MYPN: variants seen among roughly 807,000 people sequenced by gnomAD.
The protein encoded by MYPN is sarcomeric protein myopalladin, 145 kDa (MYOP).
Under a neutral mutation model 129.4 loss-of-function variants are expected in MYPN, and 63 were observed. The observed-to-expected ratio is 0.49, with a 90% confidence interval of 0.40 to 0.60. The LOEUF (loss-of-function observed/expected upper bound fraction) is 0.60. MYPN is among the 20% of genes least tolerant of loss of function. The probability of loss-of-function intolerance (pLI) is 0.00; values close to 1 mark genes in which losing one functional copy is unlikely to be tolerated. For missense variants in MYPN, 1,596 were observed against 1,635.4 expected, an observed-to-expected ratio of 0.98 and a Z score of 0.42; for synonymous variants, 629 against 600.9, an observed-to-expected ratio of 1.05 and a Z score of -0.68.
At chr10:68,136,778 G>A in intron 2 of MYPN, 1 of 1,499,932 alleles carries the variant, frequency 6.7e-7, no homozygotes, top group Non-Finnish European at 9.0e-7. Context: ...ATCCTATAAT[G>A]TTTGTATAAT....
At chr10:68,200,945 G>A (rs1313442863) in intron 17 of MYPN, among the ~76,000 whole-genome samples, 3 of 151,986 alleles carry the variant, frequency 2.0e-5, no homozygotes, top group Admixed American at 1.3e-4. Flanking sequence ...CCACTATTTT[G>A]CTAAAAAATA....
chr10:68,140,041 G>A (rs1484910644), intron 2 of MYPN, among the ~76,000 whole-genome samples: 1 of 152,214 alleles, frequency 6.6e-6, no homozygotes, highest in Non-Finnish European at 1.5e-5. Context: ...TGGGAAGAGG[G>A]TCAGGGAGGG....
At chr10:68,187,443 C>G (rs953655081) in intron 12 of MYPN, among the ~76,000 whole-genome samples, 1 of 152,022 alleles carries the variant, frequency 6.6e-6, no homozygotes, top group African/African-American at 2.4e-5. Flanking sequence ...AAAAGTGCAG[C>G]CTGGAAATTT....
intron 13 of MYPN, among the ~76,000 whole-genome samples, chr10:68,193,822 CACACACACACA>C (rs1351729512): frequency 2.9e-5 from 1 of 34,830 alleles, no homozygotes; most frequent in African/African-American, 5.5e-5. Flanking sequence ...CACACACACA[CACACACACACA>C]CACACATAGA....
At chr10:68,118,893 G>GGAAGGAAGGAAGGAAA (rs1248200832) in intron 1 of MYPN, among the ~76,000 whole-genome samples, 1 of 141,020 alleles carries the variant, frequency 7.1e-6, no homozygotes, top group African/African-American at 2.6e-5. Context: ...AAGGAAGGAA[G>GGAAGGAAGGAAGGAAA]GAAGGAAGGA....
intron 6 of MYPN, among the ~76,000 whole-genome samples, chr10:68,152,814 T>C (rs2042796939): frequency 6.6e-6 from 1 of 151,954 alleles, no homozygotes; most frequent in Non-Finnish European, 1.5e-5. Context: ...TCTTTTGTAT[T>C]TTTAGTAGAC....
intron 10 of MYPN, among the ~76,000 whole-genome samples, chr10:68,172,015 T>C (rs1240022799): frequency 3.9e-5 from 6 of 152,246 alleles, no homozygotes; most frequent in Non-Finnish European, 8.8e-5. Flanking sequence ...ATTTCTTTTA[T>C]ATTCCTTATA....
At position 68,211,811 on chromosome 10, in the gene MYPN, A is replaced by T. The variant is rs1278236065; in HGVS notation, c.*1356A>T. On this transcript the variant is annotated 3_prime_UTR_variant, in exon 20 of 20. Transcript: ENST00000358913. ...GCCCTGGGAATGCTCATCACAGCAC[A>T]GTTTGCTCTAGGCTGTGCAGGGAAA... 2.2e-6 allele frequency: 1 copy of T among 454,000 alleles called. No homozygotes were observed. The highest frequency in any genetic ancestry group is 4.4e-6 in the Non-Finnish European group (1 of 226,808). 28.1% of individuals were successfully genotyped at this position (454,000 alleles called of 1,614,324 possible).
chr10:68,108,895 A>T (rs1464161935), upstream of MYPN, among the ~76,000 whole-genome samples: 1 of 151,994 alleles, frequency 6.6e-6, no homozygotes, highest in Non-Finnish European at 1.5e-5. Context: ...TAATTTTTGT[A>T]TATTTAGTGG....
chr10:68,182,239 CATATATATAACACACAT>C (rs1476928518), intron 12 of MYPN, among the ~76,000 whole-genome samples: 1 of 74,504 alleles, frequency 1.3e-5, no homozygotes, highest in African/African-American at 4.9e-5. Flanking sequence ...ATATATATAA[CATATATATAACACACAT>C]ATATATATAA....
At chr10:68,134,806 T>A (rs142565788) in intron 2 of MYPN, among the ~76,000 whole-genome samples, 1,938 of 151,962 alleles carry the variant, frequency 0.013, 24 homozygotes, top group East Asian at 0.03. Context: ...AAAAATAAAT[T>A]AATTAATTAA....
At chr10:68,148,012 G>A (rs1589556033) in intron 4 of MYPN, among the ~76,000 whole-genome samples, 3 of 152,120 alleles carry the variant, frequency 2.0e-5, no homozygotes, top group East Asian at 1.9e-4. Flanking sequence ...GGAAAATACC[G>A]AGGGTAACAA....
intron 1 of MYPN, among the ~76,000 whole-genome samples, chr10:68,120,833 T>C (rs1008271415): frequency 3.9e-5 from 6 of 152,226 alleles, no homozygotes; most frequent in Admixed American, 2.6e-4. Flanking sequence ...TATTTAATAT[T>C]ATTACAGTTA....
At chr10:68,101,234 A>T (rs1400485316), upstream of MYPN, among the ~76,000 whole-genome samples, 1 of 152,252 alleles carries the variant, frequency 6.6e-6, no homozygotes, top group African/African-American at 2.4e-5. Flanking sequence ...ACACTGCAAC[A>T]AGCAACAAGT....
chr10:68,157,527 G>A (rs1431247382), intron 6 of MYPN, among the ~76,000 whole-genome samples: 4 of 151,728 alleles, frequency 2.6e-5, no homozygotes, highest in African/African-American at 7.3e-5. Context: ...AACACCACTT[G>A]GGCACTTAAG....
chr10:68,194,230 C>A, intron 13 of MYPN, 133 bp from the exon 14 acceptor site: 1 of 885,216 alleles, frequency 1.1e-6, no homozygotes, highest in South Asian at 1.5e-5. Context: ...TGTTTTATAA[C>A]TTTTTTTCAA....
chr10:68,145,621 TGGC>T lies in MYPN; in HGVS notation c.1130+96_1130+98del, dbSNP rs1589553376. ...ATTGGTTACTAGAACTTAAGAAGGG[TGGC>T]TCCAGGGTTTGACCACAAAAATAAA... On this transcript the variant is annotated intron_variant, in intron 4 of 19. Transcript: ENST00000358913. 7.5e-6 allele frequency: 8 copies of T among 1,061,388 alleles called. No homozygotes were observed. In the East Asian group the frequency reaches 1.9e-4, roughly 26 times the overall value. The allele number at this position is 1,061,388 out of a possible 1,614,324, so 65.7% of individuals were successfully genotyped here.
At chr10:68,200,616 G>A (rs933348894) in intron 17 of MYPN, among the ~76,000 whole-genome samples, 28 of 152,208 alleles carry the variant, frequency 1.8e-4, no homozygotes, top group Middle Eastern at 3.4e-3. Flanking sequence ...AAATTAGCCA[G>A]GTGTGGTGGC....
chr10:68,106,324 G>T, upstream of MYPN: 2 of 356,652 alleles, frequency 5.6e-6, no homozygotes, highest in South Asian at 2.2e-5. Context: ...TCCCAGGCAA[G>T]CATTTTCAGT....
Sources: gnomAD v4.1 joint callset for allele counts (sites outside exome capture counted in the v4.1 genomes callset) on GRCh38, gnomAD v4.1.1 for gene constraint, MANE v1.5 for transcripts, NCBI Gene and HGNC (gene_info 2026-07-23, HGNC 2026-07-21) for gene names.